Variants in FSTL4 observed in about 807,000 individuals in gnomAD.
The protein encoded by FSTL4 is follistatin like 4.
In FSTL4, 28 loss-of-function variants were observed where a neutral mutation model predicts 78.2. That is an observed-to-expected ratio of 0.36 (90% confidence interval 0.27 to 0.49). The LOEUF (loss-of-function observed/expected upper bound fraction) is 0.49. Ranked by LOEUF, FSTL4 falls within the 20% of genes least tolerant of loss-of-function variation. FSTL4 has a pLI of 0.98. For missense variants in FSTL4, 922 were observed against 1,084.9 expected (o/e 0.85, Z 2.11); for synonymous variants, 422 against 440.5 (o/e 0.96, Z 0.53).
At chr5:133,478,790 T>C (rs1757968916) in intron 3 of FSTL4, among the ~76,000 whole-genome samples, 2 of 152,108 alleles carry the variant, frequency 1.3e-5, no homozygotes, top group African/African-American at 4.8e-5. Flanking sequence ...TTGAGGCCTC[T>C]GCGATGACCC....
intron 3 of FSTL4, among the ~76,000 whole-genome samples, chr5:133,547,594 G>T (rs946275283): frequency 3.3e-5 from 5 of 152,094 alleles, no homozygotes; most frequent in Non-Finnish European, 7.4e-5. Flanking sequence ...TACAGGACTG[G>T]GTTAATTCTT....
chr5:133,533,574 C>T (rs905081610), intron 3 of FSTL4, among the ~76,000 whole-genome samples: 1 of 152,102 alleles, frequency 6.6e-6, no homozygotes, highest in Non-Finnish European at 1.5e-5. Context: ...CCACCCAGTC[C>T]GTGGTAATTT....
At chr5:133,375,912 T>C (rs1755423045) in intron 4 of FSTL4, among the ~76,000 whole-genome samples, 1 of 152,208 alleles carries the variant, frequency 6.6e-6, no homozygotes, top group Non-Finnish European at 1.5e-5. Context: ...CTTGCATCAG[T>C]TGATATTTAT....
chr5:133,689,110 C>T, the FSTL4 span, among the ~76,000 whole-genome samples: 2 of 152,196 alleles, frequency 1.3e-5, no homozygotes. Context: ...TTTTCCCCTG[C>T]TCCATATCCT....
chr5:133,371,764 AT>A (rs1457041023), intron 4 of FSTL4, among the ~76,000 whole-genome samples: 1 of 152,190 alleles, frequency 6.6e-6, no homozygotes, highest in African/African-American at 2.4e-5. Context: ...AAAGAAACTG[AT>A]TTGGGGCTTG....
At chr5:133,247,439 C>T (rs1371663803) in intron 7 of FSTL4, 3 of 152,130 alleles carry the variant, frequency 2.0e-5, no homozygotes, top group Non-Finnish European at 4.4e-5. Context: ...CAGTGGAGCG[C>T]CAAGTAATGC....
chr5:133,774,503 A>C, the FSTL4 span, among the ~76,000 whole-genome samples: 5 of 152,206 alleles, frequency 3.3e-5, no homozygotes, highest in African/African-American at 9.6e-5. Flanking sequence ...TGAAGTTAAG[A>C]AACATTGTGC....
intron 3 of FSTL4, among the ~76,000 whole-genome samples, chr5:133,549,674 C>A (rs1464548642): frequency 6.6e-6 from 1 of 152,114 alleles, no homozygotes; most frequent in Non-Finnish European, 1.5e-5. Context: ...AGTTCTTTTA[C>A]ATAGGATTTG....
chr5:133,369,125 A>G (rs929701823), intron 4 of FSTL4, among the ~76,000 whole-genome samples: 3 of 152,138 alleles, frequency 2.0e-5, no homozygotes, highest in African/African-American at 7.2e-5. Context: ...ACACCCACAC[A>G]TGGCCTGCTG....
the FSTL4 span, among the ~76,000 whole-genome samples, chr5:133,644,776 G>T: frequency 6.6e-6 from 1 of 152,054 alleles, no homozygotes; most frequent in Non-Finnish European, 1.5e-5. Context: ...GCTTTAAGAG[G>T]CTGACCTCTA....
chr5:133,432,878 C>A (rs970023773), intron 3 of FSTL4, among the ~76,000 whole-genome samples: 8 of 152,172 alleles, frequency 5.3e-5, no homozygotes, highest in South Asian at 2.1e-4. Flanking sequence ...TGCAGTACAC[C>A]CCAAGCCACA....
chr5:133,389,048 C>T (rs1755775830), intron 4 of FSTL4, among the ~76,000 whole-genome samples: 1 of 152,086 alleles, frequency 6.6e-6, no homozygotes, highest in Admixed American at 6.5e-5. Flanking sequence ...TTGACTGTGG[C>T]TCAGCCAATT....
At chr5:133,672,653 T>C in the FSTL4 span, among the ~76,000 whole-genome samples, 3 of 152,160 alleles carry the variant, frequency 2.0e-5, no homozygotes, top group Admixed American at 2.0e-4. Flanking sequence ...GGGGAACACA[T>C]TTTCTGTCCA....
intron 3 of FSTL4, among the ~76,000 whole-genome samples, chr5:133,467,739 C>T (rs1341742693): frequency 6.6e-6 from 1 of 152,248 alleles, no homozygotes; most frequent in East Asian, 1.9e-4. Context: ...ATGGAGCACA[C>T]GGCTCACCTC....
the FSTL4 span, among the ~76,000 whole-genome samples, chr5:133,767,857 GC>G: frequency 6.6e-6 from 1 of 152,224 alleles, no homozygotes; most frequent in African/African-American, 2.4e-5. Context: ...CAGGGGTGCT[GC>G]TTTGTGCAGC....
At chr5:133,591,966 T>A (rs1760637603) in intron 2 of FSTL4, among the ~76,000 whole-genome samples, 2 of 152,198 alleles carry the variant, frequency 1.3e-5, no homozygotes, top group Non-Finnish European at 2.9e-5. Flanking sequence ...GCGTCCCTGA[T>A]GAATCCCCTG....
chr5:133,490,401 G>T (rs28664910), intron 3 of FSTL4, among the ~76,000 whole-genome samples: 1,883 of 150,302 alleles, frequency 0.013, 40 homozygotes, highest in African/African-American at 0.044. Flanking sequence ...GCCAGATTTT[G>T]ATTTTCTTGA....
At chr5:133,469,932 T>C (rs1757787075) in intron 3 of FSTL4, among the ~76,000 whole-genome samples, 1 of 151,472 alleles carries the variant, frequency 6.6e-6, no homozygotes, top group Non-Finnish European at 1.5e-5. Context: ...TGTGGAAAAC[T>C]CTCTTATGCA....
At chr5:133,289,086 G>C (rs1283301640) in intron 6 of FSTL4, among the ~76,000 whole-genome samples, 1 of 152,150 alleles carries the variant, frequency 6.6e-6, no homozygotes, top group Non-Finnish European at 1.5e-5. Flanking sequence ...CAGGAGCAAG[G>C]TCAGATCCCA....
Sources: allele counts gnomAD v4.1 joint callset (sites outside exome capture counted in the v4.1 genomes callset), GRCh38; gene constraint gnomAD v4.1.1; transcripts MANE v1.5; gene names NCBI Gene and HGNC (gene_info 2026-07-23, HGNC 2026-07-21).